PITPNA: variants seen among roughly 807,000 people sequenced by gnomAD.
PITPNA encodes phosphatidylinositol transfer protein alpha.
A neutral mutation model predicts 50.3 loss-of-function variants in PITPNA; 13 were observed. The ratio of observed to expected loss-of-function variants is 0.26; its 90% CI spans 0.17 to 0.41. PITPNA has a LOEUF of 0.41. Ranked by LOEUF, PITPNA falls within the 10% of genes least tolerant of loss-of-function variation. The pLI is 1.00. For synonymous variants in PITPNA, 120 were observed against 119.6 expected, an observed-to-expected ratio of 1.00 and a Z score of -0.02; for missense variants, 207 against 333.4, an observed-to-expected ratio of 0.62 and a Z score of 2.95.
At chr17:1,559,779 G>A in intron 1 of PITPNA, 2 of 985,278 alleles carry the variant, frequency 2.0e-6, no homozygotes, top group Non-Finnish European at 2.4e-6. Flanking sequence ...CACCAAGCAG[G>A]AAAGTAGCAG....
intron 7 of PITPNA, among the ~76,000 whole-genome samples, chr17:1,538,161 G>C (rs2075629062): frequency 6.6e-6 from 1 of 152,174 alleles, no homozygotes; most frequent in Non-Finnish European, 1.5e-5. Context: ...GGGATACAAA[G>C]AGCAAACACA....
intron 3 of PITPNA, among the ~76,000 whole-genome samples, chr17:1,549,229 G>C (rs2075695068): frequency 6.6e-6 from 1 of 150,644 alleles, no homozygotes; most frequent in Non-Finnish European, 1.5e-5. Context: ...TCTTATCTCA[G>C]GTTACAGAAC....
At position 1,519,256 on chromosome 17, in the gene PITPNA, G is replaced by A. The variant is rs957975886; in HGVS notation, c.*1305C>T. The stretch of plus-strand genomic sequence containing the variant: ...GGGATCACGGCACACTTAGGCCAAC[G>A]TGCTTCACAAGGTTTGGGGAATGTC... On this transcript the variant is annotated 3_prime_UTR_variant, in exon 12 of 12. Transcript: ENST00000313486. The A allele has an allele frequency of 2.0e-5, 3 of 152,292 alleles. No homozygotes were observed. The highest frequency in any genetic ancestry group is 2.1e-4 in the South Asian group (1 of 4,836). The allele number at this position is 152,292 out of a possible 1,614,324, so 9.4% of individuals were successfully genotyped here.
rs2075480797 is a variant in PITPNA at position 1,518,230 on chromosome 17, C to T, written c.*2331G>A. On this transcript the variant is annotated 3_prime_UTR_variant, in exon 12 of 12. Transcript: ENST00000313486. Reference sequence around the variant, plus strand: ...ACGATACTGACCCTGTCCCGGACCTCTCTGCATGAGAAGGCCAGAGCCCAG... The same window carrying T: ...ACGATACTGACCCTGTCCCGGACCTTTCTGCATGAGAAGGCCAGAGCCCAG... The T allele has an allele frequency of 6.6e-6, 1 of 152,440 alleles. No homozygotes were observed. The highest frequency in any genetic ancestry group is 2.4e-5 in the African/African-American group (1 of 41,448). The allele number at this position is 152,440 out of a possible 1,614,324, so 9.4% of individuals were successfully genotyped here.
chr17:1,526,514 T>A (rs1237737720), intron 10 of PITPNA, among the ~76,000 whole-genome samples: 2 of 152,260 alleles, frequency 1.3e-5, no homozygotes, highest in Non-Finnish European at 1.5e-5. Flanking sequence ...GACAATTTGC[T>A]CACTAATGAC....
intron 10 of PITPNA, among the ~76,000 whole-genome samples, chr17:1,529,760 C>T (rs113581434): frequency 6.6e-6 from 1 of 150,986 alleles, no homozygotes; most frequent in Non-Finnish European, 1.5e-5. Flanking sequence ...GAGGCTGTGA[C>T]ATGAGAATTG....
At chr17:1,535,351 C>T in intron 8 of PITPNA, 59 bp from the exon 9 acceptor site, 1 of 1,486,828 alleles carries the variant, frequency 6.7e-7, no homozygotes, top group East Asian at 2.3e-5. Flanking sequence ...TCAGGCCGTC[C>T]CCAGCTCACC....
At chr17:1,556,665 C>G (rs2075736397) in intron 2 of PITPNA, among the ~76,000 whole-genome samples, 1 of 152,194 alleles carries the variant, frequency 6.6e-6, no homozygotes. Flanking sequence ...GCACATCTTC[C>G]TAACGATCGG....
intron 3 of PITPNA, 47 bp from the exon 4 acceptor site, chr17:1,548,434 A>G (rs746800509): frequency 1.2e-5 from 15 of 1,291,856 alleles, no homozygotes; most frequent in Non-Finnish European, 1.3e-5. Context: ...GTAGAGAGAA[A>G]GGAGACAAGA....
chr17:1,530,308 C>T (rs2075573591), intron 10 of PITPNA, among the ~76,000 whole-genome samples: 1 of 152,048 alleles, frequency 6.6e-6, no homozygotes, highest in Admixed American at 6.6e-5. Context: ...GATTATGGGC[C>T]TCTTAAGAGA....
In PITPNA at chr17:1,520,827, T is replaced by C. The variant is rs140270266; in HGVS notation, c.*23-289A>G. 5.3e-3 allele frequency among the ~76,000 whole-genome samples: 809 copies of C among 152,018 alleles called. 16 individuals carry two copies. The highest frequency in any genetic ancestry group is 0.019 in the African/African-American group (769 of 41,460). The stretch of plus-strand genomic sequence containing the variant: ...ACCCTGGCCCTCCTTGCCCGTAGGG[T>C]TAGAGGCCAGCTTTTATTTGTAAAA... On this transcript the variant is annotated intron_variant, in intron 11 of 11. Transcript: ENST00000313486.
In PITPNA at chr17:1,530,493, C is replaced by T. The variant is rs148620688; in HGVS notation, c.768+3606G>A. 1.7e-3 allele frequency among the ~76,000 whole-genome samples: 265 copies of T among 152,300 alleles called. 2 individuals are homozygous for T. The highest frequency in any genetic ancestry group is 2.9e-3 in the Non-Finnish European group (199 of 68,018). ...CTCATTCAAGAATGGTGGGTCCGCCCGGACAGGGACTAGAGTTACAGCAGT... is the reference window on the plus strand; with the variant it reads ...CTCATTCAAGAATGGTGGGTCCGCCTGGACAGGGACTAGAGTTACAGCAGT... On this transcript the variant is annotated intron_variant, in intron 10 of 11. Transcript: ENST00000313486.
At chr17:1,532,117 T>A (rs1385835818) in intron 10 of PITPNA, among the ~76,000 whole-genome samples, 10 of 152,220 alleles carry the variant, frequency 6.6e-5, no homozygotes, top group Admixed American at 5.9e-4. Context: ...AGACGGAGTC[T>A]TGCTCTGTCG....
intron 9 of PITPNA, 51 bp downstream of exon 9, chr17:1,535,131 C>A (rs142610826): frequency 3.5e-6 from 4 of 1,154,208 alleles, no homozygotes; most frequent in African/African-American, 3.0e-5. Flanking sequence ...CCACCACCCC[C>A]CCACAACACA....
At chr17:1,555,637 G>C (rs921894759) in intron 2 of PITPNA, among the ~76,000 whole-genome samples, 1 of 152,218 alleles carries the variant, frequency 6.6e-6, no homozygotes, top group Non-Finnish European at 1.5e-5. Flanking sequence ...TGGCAATCTG[G>C]GAGGGGGAGC....
intron 10 of PITPNA, among the ~76,000 whole-genome samples, chr17:1,527,645 T>A (rs1194394056): frequency 6.6e-6 from 1 of 152,238 alleles, no homozygotes; most frequent in Non-Finnish European, 1.5e-5. Flanking sequence ...TTATTTGGAC[T>A]TCTATTTTTA....
chr17:1,555,162 T>C (rs2075729049), intron 2 of PITPNA, among the ~76,000 whole-genome samples: 1 of 152,146 alleles, frequency 6.6e-6, no homozygotes, highest in South Asian at 2.1e-4. Context: ...GTGGTACCAC[T>C]TGGGAAGGGG....
At chr17:1,522,556 G>C (rs1255731122) in intron 10 of PITPNA, among the ~76,000 whole-genome samples, 1 of 151,160 alleles carries the variant, frequency 6.6e-6, no homozygotes, top group African/African-American at 2.4e-5. Flanking sequence ...TATTTTTAGG[G>C]GAGACGGGGT....
intron 10 of PITPNA, among the ~76,000 whole-genome samples, chr17:1,525,922 A>G (rs2075545007): frequency 6.6e-6 from 1 of 152,244 alleles, no homozygotes; most frequent in South Asian, 2.1e-4. Context: ...CTATAAATGT[A>G]CAAGTCCCCT....
Sources: gnomAD v4.1 joint callset for allele counts (sites outside exome capture counted in the v4.1 genomes callset) on GRCh38, gnomAD v4.1.1 for gene constraint, MANE v1.5 for transcripts, NCBI Gene and HGNC (gene_info 2026-07-23, HGNC 2026-07-21) for gene names.